Variants in CYP4F22 observed in about 807,000 individuals in gnomAD.
CYP4F22 encodes the protein ultra-long-chain fatty acid omega-hydroxylase.
In CYP4F22, 37 loss-of-function variants were observed where a neutral mutation model predicts 60.4. The observed-to-expected ratio is 0.61, with a 90% CI of 0.47 to 0.81. The LOEUF is 0.81. CYP4F22 is among the 30% of genes least tolerant of loss of function. The probability of loss-of-function intolerance (pLI) is 0.00; values close to 1 mark genes in which losing one functional copy is unlikely to be tolerated. For missense variants in CYP4F22, 655 were observed against 715.0 expected (o/e 0.92, Z 0.96); for synonymous variants, 258 against 280.5 (o/e 0.92, Z 0.80).
intron 13 of CYP4F22, among the ~76,000 whole-genome samples, 182 bp from the exon 14 acceptor site, chr19:15,551,112 C>T (rs1971590064): frequency 6.6e-6 from 1 of 152,192 alleles, no homozygotes; most frequent in African/African-American, 2.4e-5. Context: ...GACACTCAAC[C>T]CCAAGGTCAC....
intron 7 of CYP4F22, 35 bp from the exon 8 acceptor site, chr19:15,540,415 G>A (rs2144532265): frequency 1.2e-6 from 2 of 1,613,878 alleles, no homozygotes; most frequent in Non-Finnish European, 1.7e-6. Flanking sequence ...GCTAGGGGAA[G>A]GGGCTACACT....
At chr19:15,540,935 G>A (rs1485250398) in intron 8 of CYP4F22, among the ~76,000 whole-genome samples, 1 of 152,152 alleles carries the variant, frequency 6.6e-6, no homozygotes, top group Non-Finnish European at 1.5e-5. Context: ...AAACAAATAA[G>A]TTGGGTGTGG....
rs1384635087 is a variant in CYP4F22, at chr19:15,523,779, A to G, written c.-22A>G. 1.3e-5 allele frequency: 2 copies of G among 152,234 alleles called. No individual in the cohort carries two copies. Among genetic ancestry groups the G allele is most frequent in the Non-Finnish European group, 2.9e-5 (2 of 68,052 alleles). 9.4% of individuals were successfully genotyped at this position (152,234 alleles called of 1,614,324 possible). On this transcript the variant is annotated 5_prime_UTR_variant, in exon 2 of 14. Coordinates refer to ENST00000269703, the MANE Select transcript of CYP4F22 (RefSeq NM_173483.4). ...ATACCAGCAAGGAAGAAGACAGTGAACCCAAAAGAATTGAAAACAGGTACT... is the reference window on the plus strand; with the variant it reads ...ATACCAGCAAGGAAGAAGACAGTGAGCCCAAAAGAATTGAAAACAGGTACT...
intron 7 of CYP4F22, among the ~76,000 whole-genome samples, chr19:15,540,039 A>C (rs1233921218): frequency 6.6e-6 from 1 of 152,190 alleles, no homozygotes; most frequent in Non-Finnish European, 1.5e-5. Flanking sequence ...CAATTTGCAA[A>C]TATTTTCTCC....
Position 15,537,694 on chromosome 19 carries a change from T to C in CYP4F22, c.549+32T>C, listed in dbSNP as rs772035186. ...CCTAAGGCTTTGAGGGAAGAGGGTG[T>C]CTTGGGAGTGAGGCTGGTCCAGGCT... is the stretch of plus-strand genomic sequence containing the variant. On this transcript the variant is annotated intron_variant, in intron 6 of 13. Coordinates refer to ENST00000269703, the MANE Select transcript of CYP4F22 (RefSeq NM_173483.4). 2.0e-5 allele frequency: 32 copies of C among 1,608,778 alleles called. No individual in the cohort carries two copies. In the South Asian group the frequency reaches 3.5e-4, roughly 18 times the overall value.
At chr19:15,542,326 G>A (rs1485220115) in intron 8 of CYP4F22, among the ~76,000 whole-genome samples, 3 of 152,016 alleles carry the variant, frequency 2.0e-5, no homozygotes, top group African/African-American at 7.2e-5. Flanking sequence ...GAGGTCAGGA[G>A]TTCAAGACGA....
chr19:15,532,149 G>T (rs533922835), intron 4 of CYP4F22, among the ~76,000 whole-genome samples: 1 of 151,770 alleles, frequency 6.6e-6, no homozygotes, highest in East Asian at 1.9e-4. Flanking sequence ...ATTAGTAAGG[G>T]TTTCTCTTCT....
chr19:15,515,809 T>C (rs1342787636), intron 1 of CYP4F22, among the ~76,000 whole-genome samples: 1 of 151,438 alleles, frequency 6.6e-6, no homozygotes, highest in Non-Finnish European at 1.5e-5. Flanking sequence ...CTGCAAGCTC[T>C]GCCTCCTGGG....
At chr19:15,527,596 C>G (rs1599797792) in intron 3 of CYP4F22, among the ~76,000 whole-genome samples, 1 of 152,370 alleles carries the variant, frequency 6.6e-6, no homozygotes, top group African/African-American at 2.4e-5. Context: ...AAAGCCCAGC[C>G]TTGACGTTGT....
intron 7 of CYP4F22, among the ~76,000 whole-genome samples, chr19:15,539,543 A>G (rs553392835): frequency 5.3e-5 from 8 of 152,348 alleles, no homozygotes; most frequent in African/African-American, 1.9e-4. Flanking sequence ...TCTTTTGGCT[A>G]TATACCTAGG....
chr19:15,522,686 A>G (rs1263075484), intron 1 of CYP4F22, among the ~76,000 whole-genome samples: 3 of 152,140 alleles, frequency 2.0e-5, no homozygotes, highest in Admixed American at 6.5e-5. Context: ...CTGTCTCAAA[A>G]AGAAATTTCA....
intron 10 of CYP4F22, among the ~76,000 whole-genome samples, chr19:15,545,405 T>G (rs1417234670): frequency 6.6e-6 from 1 of 151,962 alleles, no homozygotes; most frequent in Non-Finnish European, 1.5e-5. Flanking sequence ...TCCAGCACTT[T>G]GGGAGGCCGA....
intron 4 of CYP4F22, among the ~76,000 whole-genome samples, chr19:15,531,956 A>G (rs1209672615): frequency 1.3e-5 from 2 of 151,986 alleles, no homozygotes; most frequent in African/African-American, 4.8e-5. Flanking sequence ...AATTTAAAAA[A>G]TTAGCCAGGT....
intron 4 of CYP4F22, 60 bp from the exon 5 acceptor site, chr19:15,537,301 A>C: frequency 1.2e-6 from 2 of 1,609,336 alleles, no homozygotes; most frequent in Non-Finnish European, 8.5e-7. Context: ...ACTCCGTAAA[A>C]AAAAACAAAA....
chr19:15,529,365 G>C (rs1386509838), intron 3 of CYP4F22, among the ~76,000 whole-genome samples: 1 of 152,008 alleles, frequency 6.6e-6, no homozygotes, highest in Non-Finnish European at 1.5e-5. Context: ...CTGACCTCAG[G>C]TGATCTGCTT....
Position 15,537,534 on chromosome 19 carries a change from G to C in CYP4F22, c.422-1G>C. 6.2e-7 allele frequency: 1 copy of C among 1,614,150 alleles called. No homozygotes were observed. Among genetic ancestry groups the C allele is most frequent in the Non-Finnish European group, 8.5e-7 (1 of 1,180,040 alleles). On this transcript the variant is annotated splice_acceptor_variant, in intron 5 of 13. Coordinates refer to ENST00000269703, the MANE Select transcript of CYP4F22 (RefSeq NM_173483.4). LOFTEE classifies it high-confidence loss of function. ...CCCTAACCTCAGTCTTCTGGGCCCA[G>C]GGGATGGGCTGCTGCTCAGCAAAGG...
chr19:15,510,966 A>ATATTTTTTTT (rs34055543), intron 1 of CYP4F22, among the ~76,000 whole-genome samples: 2 of 103,336 alleles, frequency 1.9e-5, no homozygotes, highest in African/African-American at 9.2e-5. Flanking sequence ...ATATATATAT[A>ATATTTTTTTT]TTTTTTTTTT....
chr19:15,543,879 A>ATT, intron 8 of CYP4F22, 92 bp from the exon 9 acceptor site: 17 of 980,520 alleles, frequency 1.7e-5, no homozygotes, highest in Non-Finnish European at 2.3e-5. Flanking sequence ...AAAAAAAAAG[A>ATT]TGGGGGCGGG....
chr19:15,532,661 C>T (rs968293501), intron 4 of CYP4F22, among the ~76,000 whole-genome samples: 12 of 151,846 alleles, frequency 7.9e-5, no homozygotes, highest in African/African-American at 2.9e-4. Flanking sequence ...GGATTACAGG[C>T]GTGAGCTACA....
Sources: gnomAD v4.1 joint callset for allele counts (sites outside exome capture counted in the v4.1 genomes callset) on GRCh38, gnomAD v4.1.1 for gene constraint, MANE v1.5 for transcripts, NCBI Gene and HGNC (gene_info 2026-07-23, HGNC 2026-07-21) for gene names.